The following RNF19A variants were observed in gnomAD, a reference collection of about 807,000 sequenced individuals.
RNF19A encodes the protein E3 ubiquitin-protein ligase RNF19A.
Under a neutral mutation model 75.7 loss-of-function variants are expected in RNF19A, and 32 were observed. The observed-to-expected ratio is 0.42, with a 90% confidence interval of 0.32 to 0.57. RNF19A has a LOEUF of 0.57. Among genes scored for constraint, RNF19A ranks in the 20% least tolerant of loss-of-function variants. The pLI is 0.10. For synonymous variants in RNF19A, 335 were observed against 345.2 expected (o/e 0.97, Z 0.33); for missense variants, 782 against 1,036.3 (o/e 0.75, Z 3.37).
Position 100,264,574 on chromosome 8 carries a change from A to G in RNF19A, c.1306+97T>C, listed in dbSNP as rs1819881360. 1 of 802,176 alleles carries G rather than the reference A, an allele frequency of 1.2e-6. No homozygotes were observed. The highest frequency in any genetic ancestry group is 2.1e-6 in the Non-Finnish European group (1 of 487,466). The allele number at this position is 802,176 out of a possible 1,614,324, so 49.7% of individuals were successfully genotyped here. A position where few individuals can be genotyped will look rare whatever the true frequency, so the allele number is the denominator to read the frequency against. The stretch of plus-strand genomic sequence containing the variant: ...AAGACTTACTGCAGGCTCAATTTAA[A>G]TTGTCCTCAAATTAAAAAACAATTA... On this transcript the variant is annotated intron_variant, in intron 6 of 9. Coordinates refer to ENST00000341084, the MANE Select transcript of RNF19A (RefSeq NM_183419.4). The surrounding 1 kb of genome is among the most constrained non-coding windows in gnomAD (Gnocchi z 4.7).
Position 100,264,255 on chromosome 8 carries a change from T to A in RNF19A, c.1307-60A>T, listed in dbSNP as rs892471637. 5 of 1,428,486 alleles carry A rather than the reference T, an allele frequency of 3.5e-6. No homozygotes were observed. In the Admixed American group the frequency reaches 9.9e-5, roughly 28 times the overall value. 88.5% of individuals were successfully genotyped at this position (1,428,486 alleles called of 1,614,324 possible). On this transcript the variant is annotated intron_variant, in intron 6 of 9. Transcript: ENST00000341084. This position sits in a 1 kb window ranked among gnomAD's most constrained non-coding sequence, Gnocchi z 4.7. ...AACAACAAAATAACTCACAGAAACA[T>A]GAGTTTTAGAAAGTCTTTTCAAGAG...
chr8:100,278,457 T>C (rs1472207874), intron 2 of RNF19A, among the ~76,000 whole-genome samples: 4 of 152,220 alleles, frequency 2.6e-5, no homozygotes, highest in Non-Finnish European at 4.4e-5. Context: ...ATGTCCAGTA[T>C]GTTGCAAGAG....
At position 100,261,687 on chromosome 8, in the gene RNF19A, C is replaced by T. The variant is rs1350441323; in HGVS notation, c.1537G>A (p.Gly513Ser). Reference protein sequence around the residue: ...IGEGSVGGLTGSLSASGSHMD... With the variant: ...IGEGSVGGLTSSLSASGSHMD... ...TGGCTTCCACTTGCACTCAAACTGC[C>T]AGTCAGCCCACCAACACTTCCCTCC... The change falls in exon 8 of 10, where the codon GGC becomes AGC. Residue 513 changes from glycine to serine, a missense_variant. By Grantham distance (56) the Gly-to-Ser change is moderately conservative. Around this residue, in one of 7 missense-constraint regions of RNF19A, gnomAD observed 442 missense variants for 541.6 expected, o/e 0.82. Coordinates refer to ENST00000341084, the MANE Select transcript of RNF19A (RefSeq NM_183419.4). This position sits in a 1 kb window ranked among gnomAD's most constrained non-coding sequence, Gnocchi z 4.4. 7.4e-6 allele frequency: 12 copies of T among 1,613,992 alleles called. No homozygotes were observed. The highest frequency in any genetic ancestry group is 1.7e-5 in the Admixed American group (1 of 59,990).
intron 2 of RNF19A, among the ~76,000 whole-genome samples, chr8:100,279,885 G>A (rs980050121): frequency 2.0e-5 from 3 of 151,934 alleles, no homozygotes; most frequent in Admixed American, 1.3e-4. Context: ...GGCTGGTCTC[G>A]AACTCCTGGC....
intron 1 of RNF19A, among the ~76,000 whole-genome samples, chr8:100,306,976 T>C (rs1822088024): frequency 6.6e-6 from 1 of 152,216 alleles, no homozygotes; most frequent in Non-Finnish European, 1.5e-5. Flanking sequence ...TAATCATGGG[T>C]CCTTTCAGAC....
intron 5 of RNF19A, among the ~76,000 whole-genome samples, chr8:100,266,517 C>G (rs890284059): frequency 6.6e-6 from 1 of 152,068 alleles, no homozygotes; most frequent in African/African-American, 2.4e-5. Context: ...TTTATTTTTT[C>G]TCTCTTTTTT....
chr8:100,304,880 G>C (rs746343247), intron 1 of RNF19A, among the ~76,000 whole-genome samples: 6 of 152,286 alleles, frequency 3.9e-5, no homozygotes, highest in African/African-American at 1.4e-4. Context: ...GTAGCCCAGA[G>C]TGTTTCAAAG....
In RNF19A at chr8:100,269,931, A is replaced by G; in HGVS notation, c.966T>C (p.Ala322=). The G allele has an allele frequency of 6.2e-7, 1 of 1,610,636 alleles. No individual in the cohort carries two copies. Among genetic ancestry groups the G allele is most frequent in the Non-Finnish European group, 8.5e-7 (1 of 1,178,442 alleles). ...NDGSCNHMTC[A]VCGCEFCWLC... ...ACCAACAAAACTCACAACCACAAAC[A>G]GCACATGTCATGTGATTGCAGCTCC... The change falls in exon 4 of 10, where the codon GCT becomes GCC. Residue 322 remains alanine (A), a synonymous_variant. Transcript: ENST00000341084. The surrounding 1 kb of genome is among the most constrained non-coding windows in gnomAD (Gnocchi z 5.7).
intron 1 of RNF19A, among the ~76,000 whole-genome samples, chr8:100,294,084 C>T (rs1001358893): frequency 6.6e-5 from 10 of 152,170 alleles, no homozygotes; most frequent in African/African-American, 2.4e-4. Context: ...AGTCTGCTAC[C>T]TATTTTTGAG....
intron 1 of RNF19A, among the ~76,000 whole-genome samples, chr8:100,335,400 G>A (rs1822666578): frequency 6.6e-6 from 1 of 152,178 alleles, no homozygotes; most frequent in Non-Finnish European, 1.5e-5. Flanking sequence ...GGAAGTGGCA[G>A]AGCCAAGATT....
chr8:100,259,078 T>G lies in RNF19A; in HGVS notation c.1995A>C (p.Lys665Asn). 6.8e-6 allele frequency: 11 copies of G among 1,614,210 alleles called. No individual in the cohort carries two copies. The highest frequency in any genetic ancestry group is 9.3e-6 in the Non-Finnish European group (11 of 1,180,044). ...EGKSSATKWSKEATAGKKSKS... is the reference protein window; with the variant it reads ...EGKSSATKWSNEATAGKKSKS... The stretch of plus-strand genomic sequence containing the variant: ...TTGATTTTTTCCCTGCTGTTGCTTC[T>G]TTGGACCACTTGGTGGCACTAGATT... Residue 665 changes from lysine to asparagine, a missense_variant, in exon 10 of 10, where the codon AAA becomes AAC. Physicochemically the swap from Lys to Asn is moderately conservative, Grantham distance 94. Around this residue, in one of 7 missense-constraint regions of RNF19A, gnomAD observed 442 missense variants for 541.6 expected, o/e 0.82. Transcript: ENST00000341084. The surrounding 1 kb of genome is among the most constrained non-coding windows in gnomAD (Gnocchi z 4.5).
Position 100,309,574 on chromosome 8 carries a change from G to A in RNF19A, c.-94+293C>T, listed in dbSNP as rs770259411. ...GCCGCACAGGCACCAGGAGGACAGGGCTTGGGGCGGATCCCACGCTCCACC... is the reference window on the plus strand; with the variant it reads ...GCCGCACAGGCACCAGGAGGACAGGACTTGGGGCGGATCCCACGCTCCACC... On this transcript the variant is annotated intron_variant, in intron 1 of 9. Transcript: ENST00000341084. 3.4e-4 allele frequency: 335 copies of A among 976,150 alleles called. 1 individual carries two copies. Among genetic ancestry groups the A allele is most frequent in the Non-Finnish European group, 3.6e-4 (293 of 821,504 alleles). 60.5% of individuals were successfully genotyped at this position (976,150 alleles called of 1,614,324 possible). A position where few individuals can be genotyped will look rare whatever the true frequency, so the allele number is the denominator to read the frequency against.
At position 100,261,112 on chromosome 8, in the gene RNF19A, T is replaced by C. The variant is rs1292342611; in HGVS notation, c.1682+430A>G. Among the ~76,000 whole-genome samples the C allele has an allele frequency of 1.3e-5, 2 of 152,188 alleles. No homozygotes were observed. Among genetic ancestry groups the C allele is most frequent in the Admixed American group, 1.3e-4 (2 of 15,274 alleles). ...CTACCACCAAATTTTTCTTTTTTTTTTTGAGACAGGGTCTCACTGTCACTC... is the reference window on the plus strand; with the variant it reads ...CTACCACCAAATTTTTCTTTTTTTTCTTGAGACAGGGTCTCACTGTCACTC... On this transcript the variant is annotated intron_variant, in intron 8 of 9. Transcript: ENST00000341084. This position sits in a 1 kb window ranked among gnomAD's most constrained non-coding sequence, Gnocchi z 4.4.
chr8:100,264,890 T>A lies in RNF19A; in HGVS notation c.1192-105A>T. ...TGCTAAAGTGATTTTTCATAGAAGT[T>A]CGTAGCTGAGTATCTTAGTTCAAGG... On this transcript the variant is annotated intron_variant, in intron 5 of 9. Coordinates refer to ENST00000341084, the MANE Select transcript of RNF19A (RefSeq NM_183419.4). This position sits in a 1 kb window ranked among gnomAD's most constrained non-coding sequence, Gnocchi z 4.7. 3.7e-6 allele frequency: 3 copies of A among 818,762 alleles called. No individual in the cohort carries two copies. Among genetic ancestry groups the A allele is most frequent in the East Asian group, 2.5e-5 (1 of 39,372 alleles). The allele number at this position is 818,762 out of a possible 1,614,324, so 50.7% of individuals were successfully genotyped here.
At position 100,275,235 on chromosome 8, in the gene RNF19A, A is replaced by G. The variant is rs1409257700; in HGVS notation, c.675-74T>C. On this transcript the variant is annotated intron_variant, in intron 2 of 9. Transcript: ENST00000341084. This position sits in a 1 kb window ranked among gnomAD's most constrained non-coding sequence, Gnocchi z 4.3. Reference sequence around the variant, plus strand: ...TACTCATTTCAAAAAGTATCCAACTAAAGATTATTCCTGAAAAACATTTTC... The same window carrying G: ...TACTCATTTCAAAAAGTATCCAACTGAAGATTATTCCTGAAAAACATTTTC... 5 of 1,296,608 alleles carry G rather than the reference A, an allele frequency of 3.9e-6. No homozygotes were observed. In the East Asian group the frequency reaches 6.9e-5, roughly 18 times the overall value. 80.3% of individuals were successfully genotyped at this position (1,296,608 alleles called of 1,614,324 possible).
Position 100,329,917 on chromosome 8 carries a change from A to G in RNF19A, c.-243+6191T>C, listed in dbSNP as rs1349180921. 6.6e-6 allele frequency among the ~76,000 whole-genome samples: 1 copy of G among 152,222 alleles called. No individual in the cohort carries two copies. Among genetic ancestry groups the G allele is most frequent in the African/African-American group, 2.4e-5 (1 of 41,446 alleles). On this transcript the variant is annotated intron_variant, in intron 1 of 3. Transcript: ENST00000519527. This position sits in a 1 kb window ranked among gnomAD's most constrained non-coding sequence, Gnocchi z 4.3. ...TCCCATACATTTGCACAAATGAAAAATTTAAATACTTTCCAAAATCATGAA... is the reference window on the plus strand; with the variant it reads ...TCCCATACATTTGCACAAATGAAAAGTTTAAATACTTTCCAAAATCATGAA...
Position 100,264,641 on chromosome 8 carries a change from G to C in RNF19A, c.1306+30C>G. On this transcript the variant is annotated intron_variant, in intron 6 of 9. Coordinates refer to ENST00000341084, the MANE Select transcript of RNF19A (RefSeq NM_183419.4). This position sits in a 1 kb window ranked among gnomAD's most constrained non-coding sequence, Gnocchi z 4.7. ...AAAACTTTAACTCCATAAAATTGTAGGTAATTAGTACTTTTCAGCATTTTC... is the reference window on the plus strand; with the variant it reads ...AAAACTTTAACTCCATAAAATTGTACGTAATTAGTACTTTTCAGCATTTTC... 7.3e-7 allele frequency: 1 copy of C among 1,368,610 alleles called. No homozygotes were observed. Among genetic ancestry groups the C allele is most frequent in the Non-Finnish European group, 1.0e-6 (1 of 972,792 alleles). The allele number at this position is 1,368,610 out of a possible 1,614,324, so 84.8% of individuals were successfully genotyped here.
intron 1 of RNF19A, among the ~76,000 whole-genome samples, chr8:100,306,810 A>G (rs531772316): frequency 6.6e-6 from 1 of 152,330 alleles, no homozygotes; most frequent in Non-Finnish European, 1.5e-5. Context: ...TCTATCTACT[A>G]ACAGAGAACT....
chr8:100,310,495 T>A, upstream of RNF19A, among the ~76,000 whole-genome samples: 1 of 152,250 alleles, frequency 6.6e-6, no homozygotes, highest in Non-Finnish European at 1.5e-5. Context: ...CGACTCTGGC[T>A]CTTGGCAGTT....
Sources: allele counts gnomAD v4.1 joint callset (sites outside exome capture counted in the v4.1 genomes callset), GRCh38; gene constraint gnomAD v4.1.1; regional missense constraint gnomAD v4.1.1; non-coding constraint Gnocchi (gnomAD v3.1); transcripts MANE v1.5; gene names NCBI Gene and HGNC (gene_info 2026-07-23, HGNC 2026-07-21).